Variants in EYS observed in about 807,000 individuals in gnomAD.
The protein encoded by EYS is protein eyes shut homolog.
Under a neutral mutation model 282.1 loss-of-function variants are expected in EYS, and 250 were observed. The ratio of observed to expected loss-of-function variants is 0.89; its 90% CI spans 0.80 to 0.98. The LOEUF (loss-of-function observed/expected upper bound fraction) is 0.98, where lower values mean the gene tolerates loss of function less well. Ranked by LOEUF, EYS falls within the 50% of genes least tolerant of loss-of-function variation. The pLI, the probability that EYS is intolerant of heterozygous loss-of-function variation, is 0.00. For missense variants in EYS, 4,016 were observed against 3,709.0 expected (o/e 1.08, Z -2.15); for synonymous variants, 1,355 against 1,282.9 (o/e 1.06, Z -1.20).
intron 24 of EYS, among the ~76,000 whole-genome samples, chr6:64,595,422 G>C (rs765067184): frequency 6.6e-6 from 1 of 152,016 alleles, no homozygotes; most frequent in African/African-American, 2.4e-5. Context: ...CCATTGTCCC[G>C]GAAGTGCCAA....
intron 22 of EYS, among the ~76,000 whole-genome samples, chr6:64,715,603 G>C (rs143807623): frequency 6.6e-6 from 1 of 152,184 alleles, no homozygotes; most frequent in African/African-American, 2.4e-5. Context: ...GTTTTCTGTG[G>C]CTGGGAAGTA....
At chr6:64,621,941 G>C (rs2149853277) in intron 23 of EYS, among the ~76,000 whole-genome samples, 1 of 152,230 alleles carries the variant, frequency 6.6e-6, no homozygotes, top group Middle Eastern at 3.4e-3. Flanking sequence ...TACATTGTTA[G>C]ATAACACTAT....
intron 2 of EYS, among the ~76,000 whole-genome samples, chr6:65,607,759 CA>C (rs1191869026): frequency 6.6e-6 from 1 of 151,790 alleles, no homozygotes; most frequent in Non-Finnish European, 1.5e-5. Context: ...CACACACATA[CA>C]TTATGCAGAA....
At chr6:64,859,985 A>G (rs1246691141) in intron 19 of EYS, among the ~76,000 whole-genome samples, 1 of 152,174 alleles carries the variant, frequency 6.6e-6, no homozygotes, top group African/African-American at 2.4e-5. Context: ...TCTCTCATTG[A>G]AACAATAACT....
At chr6:65,678,635 C>A (rs1263935783) in intron 1 of EYS, among the ~76,000 whole-genome samples, 1 of 151,676 alleles carries the variant, frequency 6.6e-6, no homozygotes, top group Non-Finnish European at 1.5e-5. Context: ...TACTTCAACA[C>A]AGCAAAGTAA....
At chr6:65,613,449 T>C (rs957668458) in intron 2 of EYS, among the ~76,000 whole-genome samples, 10 of 151,778 alleles carry the variant, frequency 6.6e-5, no homozygotes, top group Admixed American at 2.0e-4. Context: ...AATCTGAATT[T>C]GAAGTATAAT....
At chr6:65,666,616 T>C (rs1053249820) in intron 1 of EYS, among the ~76,000 whole-genome samples, 9 of 151,796 alleles carry the variant, frequency 5.9e-5, no homozygotes, top group Non-Finnish European at 8.9e-5. Flanking sequence ...ACACACTTCA[T>C]TGTGTTCTAC....
At chr6:64,672,383 A>G (rs1305111718) in intron 22 of EYS, among the ~76,000 whole-genome samples, 1 of 152,146 alleles carries the variant, frequency 6.6e-6, no homozygotes, top group African/African-American at 2.4e-5. Flanking sequence ...TGAACTCTAT[A>G]TATCTTGATG....
At chr6:65,350,628 A>T (rs908118435) in intron 9 of EYS, among the ~76,000 whole-genome samples, 1 of 151,660 alleles carries the variant, frequency 6.6e-6, no homozygotes, top group African/African-American at 2.4e-5. Context: ...TTTCTTAAGC[A>T]TGATTCATAT....
chr6:65,526,796 ACT>A (rs920834100), intron 2 of EYS, among the ~76,000 whole-genome samples: 8 of 152,090 alleles, frequency 5.3e-5, no homozygotes, highest in East Asian at 1.9e-4. Context: ...ACAGAGCAAG[ACT>A]CTGTCTCAAA....
intron 35 of EYS, among the ~76,000 whole-genome samples, chr6:63,976,853 A>T (rs1030364376): frequency 1.3e-5 from 2 of 151,996 alleles, no homozygotes; most frequent in Admixed American, 1.3e-4. Flanking sequence ...TAATTTTGTG[A>T]TCTTTTATAA....
intron 5 of EYS, among the ~76,000 whole-genome samples, chr6:65,436,631 A>G (rs558922016): frequency 6.6e-6 from 1 of 152,160 alleles, no homozygotes; most frequent in Non-Finnish European, 1.5e-5. Context: ...ACCCTGTTCT[A>G]TATTGTAAAT....
In EYS at chr6:64,902,394, T is replaced by C; in HGVS notation, c.2738+10A>G. On this transcript the variant is annotated intron_variant, in intron 17 of 42. Coordinates refer to ENST00000503581, the MANE Select transcript of EYS (RefSeq NM_001142800.2). The stretch of plus-strand genomic sequence containing the variant: ...AACATGTATCTAGATACTTTTTAAG[T>C]TTTCTGTACCTGAAATTGTTGACCA... The C allele has an allele frequency of 6.5e-7, 1 of 1,528,424 alleles. No individual in the cohort carries two copies. Among genetic ancestry groups the C allele is most frequent in the Non-Finnish European group, 8.8e-7 (1 of 1,135,010 alleles). 94.7% of individuals were successfully genotyped at this position (1,528,424 alleles called of 1,614,324 possible). A position where few individuals can be genotyped will look rare whatever the true frequency, so the allele number is the denominator to read the frequency against.
chr6:64,437,197 T>C (rs116476100), intron 27 of EYS, among the ~76,000 whole-genome samples: 7 of 151,876 alleles, frequency 4.6e-5, no homozygotes, highest in Non-Finnish European at 8.9e-5. Context: ...GGAGGAATTA[T>C]TGGAGACTTG....
intron 26 of EYS, among the ~76,000 whole-genome samples, chr6:64,523,678 TAA>T (rs1470252452): frequency 1.3e-5 from 2 of 151,564 alleles, no homozygotes; most frequent in African/African-American, 4.8e-5. Flanking sequence ...TGATAAAAGA[TAA>T]TAAAGAAAGA....
At chr6:65,478,700 C>A (rs983007191) in intron 5 of EYS, among the ~76,000 whole-genome samples, 1 of 152,040 alleles carries the variant, frequency 6.6e-6, no homozygotes, top group Non-Finnish European at 1.5e-5. Context: ...TTAAATATCC[C>A]AAATTACTGT....
intron 19 of EYS, among the ~76,000 whole-genome samples, chr6:64,842,053 T>C (rs762618373): frequency 3.3e-5 from 5 of 152,198 alleles, no homozygotes; most frequent in Admixed American, 1.3e-4. Flanking sequence ...ATTTTAATGA[T>C]GTTTGGCACC....
chr6:64,370,212 T>C (rs972719004), intron 29 of EYS, among the ~76,000 whole-genome samples: 3 of 152,082 alleles, frequency 2.0e-5, no homozygotes, highest in African/African-American at 7.2e-5. Context: ...AATGCCTAGT[T>C]TGTTGAGGGT....
chr6:65,247,664 C>T (rs1467248031), intron 12 of EYS, among the ~76,000 whole-genome samples: 1 of 151,936 alleles, frequency 6.6e-6, no homozygotes, highest in Non-Finnish European at 1.5e-5. Context: ...TACCAGACAC[C>T]TTGGCAAATT....
Sources: allele counts gnomAD v4.1 joint callset (sites outside exome capture counted in the v4.1 genomes callset), GRCh38; gene constraint gnomAD v4.1.1; transcripts MANE v1.5; gene names NCBI Gene and HGNC (gene_info 2026-07-23, HGNC 2026-07-21).